The following SEMA3C variants were observed in gnomAD, a reference collection of about 807,000 sequenced individuals.
SEMA3C encodes semaphorin-3C.
SEMA3C carries 47 observed loss-of-function variants against 89.4 expected under a neutral mutation model. The observed-to-expected ratio is 0.53, with a 90% CI of 0.42 to 0.67. The LOEUF (loss-of-function observed/expected upper bound fraction) is 0.67, where lower values mean the gene tolerates loss of function less well. Ranked by LOEUF, SEMA3C falls within the 30% of genes least tolerant of loss-of-function variation. The pLI is 0.00. For missense variants in SEMA3C, 839 were observed against 929.1 expected (o/e 0.90, Z 1.26); for synonymous variants, 310 against 320.2 (o/e 0.97, Z 0.34).
intron 2 of SEMA3C, among the ~76,000 whole-genome samples, chr7:80,829,879 G>A (rs1408738640): frequency 6.6e-6 from 1 of 152,186 alleles, no homozygotes; most frequent in Non-Finnish European, 1.5e-5. Flanking sequence ...CAAACTCTAA[G>A]AAAGAGTCTG....
chr7:80,900,304 G>A (rs529394705), intron 2 of SEMA3C, among the ~76,000 whole-genome samples: 24 of 151,980 alleles, frequency 1.6e-4, no homozygotes, highest in African/African-American at 5.1e-4. Context: ...TAGGAGAGAC[G>A]GGGTTTCAAC....
chr7:80,762,451 T>C (rs1788207038), intron 13 of SEMA3C, among the ~76,000 whole-genome samples: 1 of 152,274 alleles, frequency 6.6e-6, no homozygotes, highest in Non-Finnish European at 1.5e-5. Context: ...AAGAATTTTC[T>C]GGAATAGTAC....
chr7:80,869,382 T>A (rs1337226360), intron 2 of SEMA3C, among the ~76,000 whole-genome samples: 3 of 152,230 alleles, frequency 2.0e-5, no homozygotes, highest in African/African-American at 7.2e-5. Flanking sequence ...TTCTTAAATG[T>A]TAAAGATACA....
intron 2 of SEMA3C, among the ~76,000 whole-genome samples, chr7:80,848,781 C>G (rs1250669932): frequency 6.6e-6 from 1 of 152,150 alleles, no homozygotes; most frequent in Non-Finnish European, 1.5e-5. Context: ...TTCTTTCCTA[C>G]ATATTATTTA....
chr7:80,895,635 G>A (rs1791715950), intron 2 of SEMA3C, among the ~76,000 whole-genome samples: 1 of 152,106 alleles, frequency 6.6e-6, no homozygotes, highest in Non-Finnish European at 1.5e-5. Flanking sequence ...GAATGTTGCA[G>A]AGATTATTAA....
intron 11 of SEMA3C, among the ~76,000 whole-genome samples, chr7:80,792,921 C>A (rs1436576938): frequency 6.6e-6 from 1 of 152,152 alleles, no homozygotes; most frequent in African/African-American, 2.4e-5. Context: ...AAGAATAAAT[C>A]AGATGTGATT....
chr7:80,917,219 G>A (rs1265734741), intron 1 of SEMA3C, among the ~76,000 whole-genome samples: 1 of 152,160 alleles, frequency 6.6e-6, no homozygotes, highest in Non-Finnish European at 1.5e-5. Flanking sequence ...CCCCACTAAC[G>A]TAACAGCAGC....
At chr7:80,888,005 A>C (rs953057588) in intron 2 of SEMA3C, among the ~76,000 whole-genome samples, 1 of 152,204 alleles carries the variant, frequency 6.6e-6, no homozygotes, top group Non-Finnish European at 1.5e-5. Flanking sequence ...TGTTTTAAAG[A>C]TTTAGTGATT....
intron 12 of SEMA3C, among the ~76,000 whole-genome samples, chr7:80,784,238 C>T (rs1213021518): frequency 4.0e-5 from 6 of 151,462 alleles, no homozygotes; most frequent in African/African-American, 1.5e-4. Flanking sequence ...TATGAGAACC[C>T]TTGCCTGCTG....
chr7:80,773,688 A>G (rs1562869052), intron 12 of SEMA3C, among the ~76,000 whole-genome samples: 1 of 152,166 alleles, frequency 6.6e-6, no homozygotes, highest in Non-Finnish European at 1.5e-5. Context: ...GGAGGCAGAT[A>G]TGAAAATGTG....
chr7:80,761,514 T>A (rs2117052969), intron 14 of SEMA3C, 102 bp downstream of exon 14: 1 of 643,438 alleles, frequency 1.6e-6, no homozygotes, highest in East Asian at 3.3e-5. Flanking sequence ...ACTCTTTATT[T>A]TGTTAGTACG....
At chr7:80,816,923 T>C (rs1789621313) in intron 5 of SEMA3C, among the ~76,000 whole-genome samples, 1 of 152,230 alleles carries the variant, frequency 6.6e-6, no homozygotes, top group Admixed American at 6.5e-5. Context: ...TAATTTTATT[T>C]GAAATCTGTG....
chr7:80,861,052 T>G (rs1790759300), intron 2 of SEMA3C, among the ~76,000 whole-genome samples: 1 of 152,166 alleles, frequency 6.6e-6, no homozygotes, highest in Non-Finnish European at 1.5e-5. Flanking sequence ...TGATCAAACA[T>G]GAGAAAATGA....
chr7:80,857,936 A>G (rs1405843875), intron 2 of SEMA3C, among the ~76,000 whole-genome samples: 2 of 152,120 alleles, frequency 1.3e-5, no homozygotes, highest in Non-Finnish European at 2.9e-5. Flanking sequence ...AATATATTCT[A>G]TGTTCATAAA....
intron 2 of SEMA3C, chr7:80,847,201 A>G (rs546246705): frequency 1.3e-5 from 2 of 152,332 alleles, no homozygotes; most frequent in Admixed American, 1.3e-4. Flanking sequence ...AAACAAGGAG[A>G]GAATGGATTA....
intron 4 of SEMA3C, among the ~76,000 whole-genome samples, chr7:80,824,995 T>G (rs1249737100): frequency 2.0e-5 from 3 of 152,148 alleles, no homozygotes; most frequent in Admixed American, 1.3e-4. Context: ...TCCAGTTTCT[T>G]CACAACAACT....
intron 2 of SEMA3C, among the ~76,000 whole-genome samples, chr7:80,854,534 G>A (rs1790589138): frequency 6.6e-6 from 1 of 152,170 alleles, no homozygotes; most frequent in African/African-American, 2.4e-5. Context: ...TCCTGGGTGA[G>A]ACCAAGGTTT....
Position 80,751,671 on chromosome 7 carries a change from C to T in SEMA3C, c.1644-335G>A, listed in dbSNP as rs1322152473. Among the ~76,000 whole-genome samples the T allele has an allele frequency of 2.0e-5, 3 of 152,034 alleles. No individual in the cohort carries two copies. The East Asian group carries it at 5.8e-4, about 29-fold the overall frequency. The stretch of plus-strand genomic sequence containing the variant: ...AATTTTTAGTTTAGAGAAATTCAGC[C>T]TAAATTTTCTAAAACAATAACATCC... On this transcript the variant is annotated intron_variant, in intron 15 of 17. Coordinates refer to ENST00000265361, the MANE Select transcript of SEMA3C (RefSeq NM_006379.5).
In SEMA3C at chr7:80,835,118, T is replaced by G. The variant is rs2115847440; in HGVS notation, c.104-6373A>C. On this transcript the variant is annotated intron_variant, in intron 2 of 17. Transcript: ENST00000265361. ...AATTCAAAAATAGGTAAAAGACTCC[T>G]TGATTGAAAATCAATTCCCAGGAGT... Among the ~76,000 whole-genome samples, 2 of 152,252 alleles carry G rather than the reference T, an allele frequency of 1.3e-5. 1 individual carries two copies. Among genetic ancestry groups the G allele is most frequent in the South Asian group, 4.1e-4 (2 of 4,826 alleles).
Sources: gnomAD v4.1 joint callset for allele counts (sites outside exome capture counted in the v4.1 genomes callset) on GRCh38, gnomAD v4.1.1 for gene constraint, MANE v1.5 for transcripts, NCBI Gene and HGNC (gene_info 2026-07-23, HGNC 2026-07-21) for gene names.